FANCC: variants seen among roughly 807,000 people sequenced by gnomAD.
FANCC encodes Fanconi anemia group C protein.
A neutral mutation model predicts 71.3 loss-of-function variants in FANCC; 55 were observed. The ratio of observed to expected loss-of-function variants is 0.77; its 90% confidence interval spans 0.62 to 0.97. FANCC has a LOEUF of 0.97. Among genes scored for constraint, FANCC ranks in the 50% least tolerant of loss-of-function variants. The pLI is 0.00. For synonymous variants in FANCC, 275 were observed against 244.9 expected, an observed-to-expected ratio of 1.12 and a Z score of -1.15; for missense variants, 678 against 670.9, an observed-to-expected ratio of 1.01 and a Z score of -0.12.
At chr9:95,174,119 T>C (rs190132398) in intron 4 of FANCC, among the ~76,000 whole-genome samples, 173 of 152,230 alleles carry the variant, frequency 1.1e-3, no homozygotes, top group African/African-American at 4.0e-3. Flanking sequence ...AGAGCAAAAC[T>C]TTATGTCTCA....
chr9:95,254,889 G>C lies in FANCC; in HGVS notation c.-78-5520C>G, dbSNP rs557122791. 4.6e-5 allele frequency among the ~76,000 whole-genome samples: 7 copies of C among 152,236 alleles called. No homozygotes were observed. The South Asian group carries it at 8.3e-4, about 18-fold the overall frequency. On this transcript the variant is annotated intron_variant, in intron 1 of 14. Transcript: ENST00000289081. ...CAACCTGGGATGCTTGAGCTTGGTG[G>C]GGGGAGGGGCGTCCCCCATTACTGA...
At chr9:95,186,722 ACTG>A (rs1326737370) in intron 4 of FANCC, 2 of 152,122 alleles carry the variant, frequency 1.3e-5, no homozygotes, top group Non-Finnish European at 2.9e-5. Context: ...TGCACAGCCC[ACTG>A]ATACCAGGTT....
chr9:95,308,174 T>A (rs1835172398), intron 1 of FANCC, among the ~76,000 whole-genome samples: 1 of 152,254 alleles, frequency 6.6e-6, no homozygotes, highest in Non-Finnish European at 1.5e-5. Context: ...CTTGTCCTAT[T>A]CTCACCATTT....
chr9:95,304,645 G>T (rs1162273613), intron 1 of FANCC, among the ~76,000 whole-genome samples: 3 of 150,438 alleles, frequency 2.0e-5, no homozygotes, highest in Non-Finnish European at 4.4e-5. Flanking sequence ...AGCTACTTTG[G>T]AGGCTGAGAC....
intron 1 of FANCC, chr9:95,292,959 A>G (rs1198173464): frequency 1.9e-6 from 3 of 1,579,518 alleles, no homozygotes; most frequent in South Asian, 1.1e-5. Flanking sequence ...GCAGTCTCAC[A>G]TCTACCGAAC....
At chr9:95,241,859 C>T (rs1830654533) in intron 3 of FANCC, among the ~76,000 whole-genome samples, 1 of 152,034 alleles carries the variant, frequency 6.6e-6, no homozygotes, top group African/African-American at 2.4e-5. Flanking sequence ...TGGATCTCAC[C>T]ATGTCGCCCA....
intron 4 of FANCC, among the ~76,000 whole-genome samples, chr9:95,184,784 T>C (rs889089220): frequency 1.6e-4 from 25 of 152,190 alleles, no homozygotes; most frequent in Non-Finnish European, 5.9e-5. Flanking sequence ...TCTGTTTATA[T>C]AAAGTTCAAA....
At chr9:95,191,725 C>T (rs1170262861) in intron 4 of FANCC, among the ~76,000 whole-genome samples, 1 of 152,152 alleles carries the variant, frequency 6.6e-6, no homozygotes, top group South Asian at 2.1e-4. Flanking sequence ...CTCCAGTCAA[C>T]ATTTTAGATG....
chr9:95,142,032 G>C (rs1427931220), intron 7 of FANCC, among the ~76,000 whole-genome samples: 1 of 110,680 alleles, frequency 9.0e-6, no homozygotes, highest in African/African-American at 3.6e-5. Flanking sequence ...TGCTCTTGTC[G>C]CCCAGGCTGG....
intron 4 of FANCC, among the ~76,000 whole-genome samples, chr9:95,198,450 G>A (rs1827590812): frequency 1.3e-5 from 2 of 152,174 alleles, no homozygotes; most frequent in Admixed American, 6.5e-5. Flanking sequence ...TGTTTTGCAT[G>A]TTCTGGCATC....
At chr9:95,283,876 G>A (rs983570897) in intron 1 of FANCC, among the ~76,000 whole-genome samples, 8 of 152,200 alleles carry the variant, frequency 5.3e-5, no homozygotes, top group African/African-American at 1.9e-4. Context: ...GCCGAAGTTT[G>A]AATCCCTACT....
At position 95,101,709 on chromosome 9, in the gene FANCC, A is replaced by G. The variant is rs750866823; in HGVS notation, c.1675T>C (p.Ter559GlnextTer11). The change falls in exon 15 of 15, where the codon TAG (stop) becomes CAG (glutamine). Residue 559 changes from the stop codon to glutamine (Q), a stop_lost. Transcript: ENST00000289081. ...CACCCACACGGCCTGCGTGCCTTCT[A>G]GACTTGAGTTCGCAGCTCTTTAAGG... The part of the protein sequence containing the change: ...ELLKELRTQV[*>Q] 6.2e-7 allele frequency: 1 copy of G among 1,613,818 alleles called. No homozygotes were observed. The highest frequency in any genetic ancestry group is 1.1e-5 in the South Asian group (1 of 91,044).
At chr9:95,295,166 C>G (rs1834289727) in intron 1 of FANCC, among the ~76,000 whole-genome samples, 1 of 151,996 alleles carries the variant, frequency 6.6e-6, no homozygotes, top group African/African-American at 2.4e-5. Flanking sequence ...AAAGCAAAAA[C>G]AGACAAATGG....
intron 8 of FANCC, among the ~76,000 whole-genome samples, chr9:95,128,669 C>T (rs535789297): frequency 6.6e-6 from 1 of 152,222 alleles, no homozygotes; most frequent in Non-Finnish European, 1.5e-5. Context: ...GCGCTGTTTT[C>T]TAGCAAAATC....
chr9:95,143,097 T>C (rs1442486257), intron 7 of FANCC, among the ~76,000 whole-genome samples: 1 of 152,322 alleles, frequency 6.6e-6, no homozygotes, highest in East Asian at 1.9e-4. Context: ...GTTTGATAAT[T>C]TGCTAGAATG....
At chr9:95,246,418 T>C (rs190356031) in intron 3 of FANCC, among the ~76,000 whole-genome samples, 1 of 152,378 alleles carries the variant, frequency 6.6e-6, no homozygotes, top group East Asian at 1.9e-4. Flanking sequence ...CATGATTCTT[T>C]AAAACATCAA....
At chr9:95,120,447 C>A (rs554567128) in intron 10 of FANCC, among the ~76,000 whole-genome samples, 37 of 151,558 alleles carry the variant, frequency 2.4e-4, no homozygotes, top group African/African-American at 8.5e-4. Context: ...CAGCATCTCG[C>A]CCTGTCTTCC....
chr9:95,216,570 A>G (rs1009650411), intron 4 of FANCC, among the ~76,000 whole-genome samples: 32 of 152,232 alleles, frequency 2.1e-4, no homozygotes, highest in African/African-American at 7.0e-4. Flanking sequence ...GAAAAGAGAC[A>G]GGGTCTCATT....
chr9:95,222,875 T>C (rs1829370929), intron 4 of FANCC, among the ~76,000 whole-genome samples: 2 of 152,248 alleles, frequency 1.3e-5, no homozygotes, highest in South Asian at 2.1e-4. Flanking sequence ...AGCTTATTTA[T>C]GTTATATGCA....
Sources: allele counts gnomAD v4.1 joint callset (sites outside exome capture counted in the v4.1 genomes callset), GRCh38; gene constraint gnomAD v4.1.1; transcripts MANE v1.5; gene names NCBI Gene and HGNC (gene_info 2026-07-23, HGNC 2026-07-21).